ACADSB: variants seen among roughly 807,000 people sequenced by gnomAD.
The protein encoded by ACADSB is acyl-CoA dehydrogenase short/branched chain.
Under a neutral mutation model 54.1 loss-of-function variants are expected in ACADSB, and 40 were observed. The observed-to-expected ratio is 0.74, with a 90% confidence interval of 0.57 to 0.96. The LOEUF is 0.96. Among genes scored for constraint, ACADSB ranks in the 40% least tolerant of loss-of-function variants. The probability of loss-of-function intolerance (pLI) is 0.00; values close to 1 mark genes in which losing one functional copy is unlikely to be tolerated. For missense variants in ACADSB, 530 were observed against 510.4 expected (o/e 1.04, Z -0.37); for synonymous variants, 182 against 182.8 (o/e 1.00, Z 0.03).
chr10:123,045,178 T>A (rs1850544873), intron 7 of ACADSB, among the ~76,000 whole-genome samples: 8 of 74,932 alleles, frequency 1.1e-4, no homozygotes, highest in African/African-American at 3.7e-4. Context: ...TATATTTTTT[T>A]TTTTTTTTTT....
intron 1 of ACADSB, among the ~76,000 whole-genome samples, chr10:123,013,039 G>T (rs986548867): frequency 6.6e-6 from 1 of 151,764 alleles, no homozygotes; most frequent in East Asian, 1.9e-4. Context: ...CACAGAGTGC[G>T]GATTGGTGCA....
At chr10:123,014,286 G>A (rs898643505) in intron 1 of ACADSB, among the ~76,000 whole-genome samples, 6 of 152,206 alleles carry the variant, frequency 3.9e-5, no homozygotes, top group Non-Finnish European at 8.8e-5. Flanking sequence ...TAGAGCAGCT[G>A]ACTCATTATA....
intron 2 of ACADSB, among the ~76,000 whole-genome samples, chr10:123,036,416 C>G (rs1304113910): frequency 2.6e-5 from 4 of 152,210 alleles, no homozygotes; most frequent in Admixed American, 1.3e-4. Flanking sequence ...GCTCCCTCGC[C>G]TTTTAGATAT....
At chr10:123,042,274 T>C (rs888352705) in intron 5 of ACADSB, among the ~76,000 whole-genome samples, 1 of 152,078 alleles carries the variant, frequency 6.6e-6, no homozygotes, top group Non-Finnish European at 1.5e-5. Flanking sequence ...CCCTAATCTT[T>C]AATTTTGTTG....
Position 123,053,985 on chromosome 10 carries a change from A to T in ACADSB, c.*220A>T. 3.3e-6 allele frequency: 2 copies of T among 602,582 alleles called. No homozygotes were observed. Among genetic ancestry groups the T allele is most frequent in the Non-Finnish European group, 5.9e-6 (2 of 341,146 alleles). The allele number at this position is 602,582 out of a possible 1,614,324, so 37.3% of individuals were successfully genotyped here. A position where few individuals can be genotyped will look rare whatever the true frequency, so the allele number is the denominator to read the frequency against. ...GATCCACTTTTAAACTTGGGAAATA[A>T]GCACCTGTATTTTTTTCCAAAACTG... is the stretch of plus-strand genomic sequence containing the variant. On this transcript the variant is annotated 3_prime_UTR_variant, in exon 11 of 11. Transcript: ENST00000358776.
At chr10:123,009,248 TG>T (rs1360476893) in intron 1 of ACADSB, among the ~76,000 whole-genome samples, 177 bp downstream of exon 1, 1 of 152,124 alleles carries the variant, frequency 6.6e-6, no homozygotes, top group Non-Finnish European at 1.5e-5. Context: ...TTCAGGCCTC[TG>T]GTGGAGGCAG....
At chr10:123,045,388 G>GCCCCC (rs1850548714) in intron 7 of ACADSB, among the ~76,000 whole-genome samples, 1 of 150,928 alleles carries the variant, frequency 6.6e-6, no homozygotes, top group South Asian at 2.1e-4. Flanking sequence ...CACCATGTTA[G>GCCCCC]CCAGGATGGT....
At position 123,052,977 on chromosome 10, in the gene ACADSB, A is replaced by G. The variant is rs982099666; in HGVS notation, c.1129-84A>G. ...TTCCAGTGCCACTAACAGTAAATCC[A>G]TGTTGCTGAAAATGTTACCCAGAAG... On this transcript the variant is annotated intron_variant, in intron 9 of 10. Coordinates refer to ENST00000358776, the MANE Select transcript of ACADSB (RefSeq NM_001609.4). This position sits in a 1 kb window ranked among gnomAD's most constrained non-coding sequence, Gnocchi z 4.2. The G allele has an allele frequency of 8.5e-6, 9 of 1,060,470 alleles. No homozygotes were observed. Among genetic ancestry groups the G allele is most frequent in the African/African-American group, 1.6e-5 (1 of 63,876 alleles). 65.7% of individuals were successfully genotyped at this position (1,060,470 alleles called of 1,614,324 possible).
intron 1 of ACADSB, among the ~76,000 whole-genome samples, chr10:123,024,693 T>C (rs554460113): frequency 1.3e-5 from 2 of 152,330 alleles, no homozygotes; most frequent in Admixed American, 6.5e-5. Flanking sequence ...CAAAGATGTA[T>C]TGAAAATGAA....
chr10:123,012,759 G>A lies in ACADSB; in HGVS notation c.42+3688G>A, dbSNP rs749745826. Among the ~76,000 whole-genome samples the A allele has an allele frequency of 3.7e-4, 56 of 152,314 alleles. 1 individual carries two copies. Among genetic ancestry groups the A allele is most frequent in the Non-Finnish European group, 1.5e-4 (10 of 68,020 alleles). On this transcript the variant is annotated intron_variant, in intron 1 of 10. Coordinates refer to ENST00000358776, the MANE Select transcript of ACADSB (RefSeq NM_001609.4). ...TGTTACAGCTCATAAAGGCAGTGTG[G>A]ACTCAAAGATTGAGCAGCGGCAAGA...
At chr10:123,038,815 A>G (rs916775791) in intron 3 of ACADSB, among the ~76,000 whole-genome samples, 5 of 152,214 alleles carry the variant, frequency 3.3e-5, no homozygotes, top group Non-Finnish European at 5.9e-5. Context: ...TCTTATGTGG[A>G]ACCATAGTGG....
At chr10:123,036,067 G>A (rs1475386381) in intron 2 of ACADSB, among the ~76,000 whole-genome samples, 2 of 152,088 alleles carry the variant, frequency 1.3e-5, no homozygotes, top group Non-Finnish European at 2.9e-5. Context: ...TTAGAACTCT[G>A]TCACAATAAG....
chr10:123,045,460 G>A (rs985612758), intron 7 of ACADSB, among the ~76,000 whole-genome samples: 9 of 151,842 alleles, frequency 5.9e-5, no homozygotes, highest in Non-Finnish European at 1.0e-4. Context: ...GATTACAGGC[G>A]TGAGCCACCG....
In ACADSB at chr10:123,034,439, C is replaced by A; in HGVS notation, c.126C>A (p.Leu42=). 1 of 1,613,222 alleles carries A rather than the reference C, an allele frequency of 6.2e-7. No homozygotes were observed. The highest frequency in any genetic ancestry group is 8.5e-7 in the Non-Finnish European group (1 of 1,179,696). Residue 42 remains leucine, a synonymous_variant, in exon 2 of 11, where the codon CTC becomes CTA. Transcript: ENST00000358776. ...AATCTTCCCAGTCAGAAGCTCTACTCAATATAACAAATAATGGAATACACT... is the reference window on the plus strand; with the variant it reads ...AATCTTCCCAGTCAGAAGCTCTACTAAATATAACAAATAATGGAATACACT... ...VSKSSQSEAL[L]NITNNGIHFA...
At chr10:123,037,985 G>T in intron 3 of ACADSB, 138 bp downstream of exon 3, 2 of 659,422 alleles carry the variant, frequency 3.0e-6, no homozygotes, top group Non-Finnish European at 5.3e-6. Flanking sequence ...TGATATTTAT[G>T]TACTTAAAAG....
In ACADSB at chr10:123,054,262, C is replaced by T. The variant is rs12248648; in HGVS notation, c.*497C>T. The T allele has an allele frequency of 0.018, 2,889 of 159,552 alleles. 91 individuals carry two copies. Among genetic ancestry groups the T allele is most frequent in the African/African-American group, 0.063 (2,623 of 41,564 alleles). 9.9% of individuals were successfully genotyped at this position (159,552 alleles called of 1,614,324 possible). Reference sequence around the variant, plus strand: ...GGCTGGTCTTCTGGCTTCTGGATATCGCCCACCTTGGCCTCCCAAAGTGCT... The same window carrying T: ...GGCTGGTCTTCTGGCTTCTGGATATTGCCCACCTTGGCCTCCCAAAGTGCT... On this transcript the variant is annotated 3_prime_UTR_variant, in exon 11 of 11. Transcript: ENST00000358776.
In ACADSB at chr10:123,041,380, G is replaced by GT; in HGVS notation, c.681+2dup. The GT allele has an allele frequency of 6.2e-7, 1 of 1,614,138 alleles. No individual in the cohort carries two copies. Among genetic ancestry groups the GT allele is most frequent in the Non-Finnish European group, 8.5e-7 (1 of 1,180,002 alleles). ...GATGGCAAATGTAGACCCTACCATT[G>GT]TAAGTTTGAAAACGAAATTTCTTTC... On this transcript the variant is annotated splice_donor_variant, in intron 5 of 10. Coordinates refer to ENST00000358776, the MANE Select transcript of ACADSB (RefSeq NM_001609.4). LOFTEE classifies it high-confidence loss of function.
chr10:123,045,131 GTATATATATATATATATATATATA>G (rs759224009), intron 7 of ACADSB, among the ~76,000 whole-genome samples: 3 of 26,884 alleles, frequency 1.1e-4, no homozygotes, highest in South Asian at 2.5e-3. Flanking sequence ...TTTGTAGAGT[GTATATATATATATATATATATATA>G]TATATATATA....
rs564290005 is a variant in ACADSB, at chr10:123,034,299, T to G, written c.43-57T>G. ...AATATAAGAATGGGTTATAAAGTCA[T>G]TCCCAAAGAAAATGATATTCAAGTA... On this transcript the variant is annotated intron_variant, in intron 1 of 10. Transcript: ENST00000358776. 3 of 1,564,676 alleles carry G rather than the reference T, an allele frequency of 1.9e-6. No homozygotes were observed. In the East Asian group the frequency reaches 6.7e-5, roughly 35 times the overall value.
Sources: allele counts gnomAD v4.1 joint callset (sites outside exome capture counted in the v4.1 genomes callset), GRCh38; gene constraint gnomAD v4.1.1; non-coding constraint Gnocchi (gnomAD v3.1); transcripts MANE v1.5; gene names NCBI Gene and HGNC (gene_info 2026-07-23, HGNC 2026-07-21).